Variants in TAB1 observed in about 807,000 individuals in gnomAD.
The protein encoded by TAB1 is TGF-beta-activated kinase 1 and MAP3K7-binding protein 1.
In TAB1, 30 loss-of-function variants were observed where a neutral mutation model predicts 54.5. That is an observed-to-expected ratio of 0.55 (90% CI 0.41 to 0.75). The LOEUF (loss-of-function observed/expected upper bound fraction) is 0.75, where lower values mean the gene tolerates loss of function less well. Among genes scored for constraint, TAB1 ranks in the 30% least tolerant of loss-of-function variants. The pLI, the probability that TAB1 is intolerant of heterozygous loss-of-function variation, is 0.00. For synonymous variants in TAB1, 289 were observed against 286.9 expected (o/e 1.01, Z -0.07); for missense variants, 609 against 683.2 (o/e 0.89, Z 1.21).
chr22:39,423,154 T>C (rs1328407732), intron 8 of TAB1, among the ~76,000 whole-genome samples: 2 of 152,058 alleles, frequency 1.3e-5, no homozygotes, highest in Non-Finnish European at 2.9e-5. Context: ...GGTTGTTTTC[T>C]TTGTTTTGTT....
At position 39,402,521 on chromosome 22, in the gene TAB1, G is replaced by A. The variant is rs1450766948; in HGVS notation, c.33+2686G>A. Among the ~76,000 whole-genome samples, 4 of 152,140 alleles carry A rather than the reference G, an allele frequency of 2.6e-5. No individual in the cohort carries two copies. In the East Asian group the frequency reaches 5.8e-4, roughly 22 times the overall value. On this transcript the variant is annotated intron_variant, in intron 1 of 10. Coordinates refer to ENST00000216160, the MANE Select transcript of TAB1 (RefSeq NM_006116.3). ...GTGGGAGCATCATTGCAGGCACTGT[G>A]GTACCTTGAAAGGTCTTTTGAAGCA...
chr22:39,415,802 C>A lies in TAB1; in HGVS notation c.324+149C>A. On this transcript the variant is annotated intron_variant, in intron 3 of 10. Coordinates refer to ENST00000216160, the MANE Select transcript of TAB1 (RefSeq NM_006116.3). The surrounding 1 kb of genome is among the most constrained non-coding windows in gnomAD (Gnocchi z 4.9). ...TAGAGGAGCAGCTCCCAGCGTAGGC[C>A]CCCCCACCCAACAGGAGTCCAGGAC... 2 of 1,047,666 alleles carry A rather than the reference C, an allele frequency of 1.9e-6. No individual in the cohort carries two copies. The highest frequency in any genetic ancestry group is 1.6e-5 in the South Asian group (1 of 62,556). The allele number at this position is 1,047,666 out of a possible 1,614,324, so 64.9% of individuals were successfully genotyped here.
At chr22:39,428,209 C>T in intron 10 of TAB1, 26 bp downstream of exon 10, 2 of 1,516,730 alleles carry the variant, frequency 1.3e-6, no homozygotes, top group Non-Finnish European at 9.0e-7. Context: ...ACTGAGCCAC[C>T]CCCAGCCCTG....
At chr22:39,406,577 A>G (rs1173209668) in intron 1 of TAB1, among the ~76,000 whole-genome samples, 1 of 151,986 alleles carries the variant, frequency 6.6e-6, no homozygotes, top group Non-Finnish European at 1.5e-5. Flanking sequence ...TACCATGGGT[A>G]CTTTTACATA....
chr22:39,404,118 T>C (rs964410968), intron 1 of TAB1, among the ~76,000 whole-genome samples: 5 of 152,094 alleles, frequency 3.3e-5, no homozygotes, highest in Admixed American at 1.3e-4. Flanking sequence ...GATTTGCTGA[T>C]GGATTGAATG....
At chr22:39,425,623 G>T (rs1927291730) in intron 8 of TAB1, among the ~76,000 whole-genome samples, 1 of 150,814 alleles carries the variant, frequency 6.6e-6, no homozygotes, top group Non-Finnish European at 1.5e-5. Flanking sequence ...GGCTCGATCT[G>T]GGCTTACTGA....
Position 39,421,883 on chromosome 22 carries a change from T to C in TAB1, c.833T>C (p.Leu278Pro). The stretch of plus-strand genomic sequence containing the variant: ...CCAGAAATCCATGGGGCACAGCCGC[T>C]GGATGGGGTGACGGGCTTCTTGGTG... ...AEPEIHGAQP[L>P]DGVTGFLVLM... Residue 278 changes from leucine (L) to proline (P), a missense_variant, in exon 8 of 11, where the codon CTG becomes CCG. Transcript: ENST00000216160. The C allele has an allele frequency of 6.2e-7, 1 of 1,613,946 alleles. No homozygotes were observed.
chr22:39,419,959 G>A (rs1926997450), intron 7 of TAB1, among the ~76,000 whole-genome samples: 1 of 58,474 alleles, frequency 1.7e-5, no homozygotes, highest in African/African-American at 1.8e-4. Flanking sequence ...TAGAAACAAG[G>A]GGTGGAGTTG....
chr22:39,419,619 T>G lies in TAB1; in HGVS notation c.765T>G (p.Ile255Met), dbSNP rs774550228. 7.5e-6 allele frequency: 12 copies of G among 1,609,460 alleles called. No individual in the cohort carries two copies. The highest frequency in any genetic ancestry group is 1.0e-5 in the Non-Finnish European group (12 of 1,176,888). The change falls in exon 7 of 11, where the codon ATT becomes ATG. Residue 255 changes from isoleucine to methionine, a missense_variant. Coordinates refer to ENST00000216160, the MANE Select transcript of TAB1 (RefSeq NM_006116.3). ...AGGTTAAATATGGCTACACGGACAT[T>G]GACCTTCTCAGGTAGGTGCCAGCCC... ...DYKVKYGYTD[I>M]DLLSAAKSKP...
At chr22:39,400,092 T>C (rs3830119) in intron 1 of TAB1, among the ~76,000 whole-genome samples, 28,850 of 152,088 alleles carry the variant, frequency 0.19, 4,248 homozygotes, top group East Asian at 0.75. Flanking sequence ...GGGAGCGTCC[T>C]GGAGCCAGAA....
chr22:39,428,634 C>A (rs992714568), intron 10 of TAB1, among the ~76,000 whole-genome samples: 2 of 152,138 alleles, frequency 1.3e-5, no homozygotes, highest in African/African-American at 4.8e-5. Context: ...GAGGGGGATG[C>A]GGCCAGGCCC....
chr22:39,417,157 C>G (rs536970559), intron 4 of TAB1, among the ~76,000 whole-genome samples: 1 of 152,358 alleles, frequency 6.6e-6, no homozygotes, highest in Admixed American at 6.5e-5. Context: ...TGTCAACCAC[C>G]TGCTCACATC....
intron 1 of TAB1, 39 bp from the exon 2 acceptor site, chr22:39,414,967 C>A (rs199503368): frequency 1.9e-6 from 3 of 1,612,220 alleles, no homozygotes; most frequent in Non-Finnish European, 2.5e-6. Context: ...ACCCTGCAGA[C>A]GCGGTGGCGT....
intron 4 of TAB1, among the ~76,000 whole-genome samples, chr22:39,417,387 G>A (rs1012908763): frequency 2.0e-5 from 3 of 152,300 alleles, no homozygotes; most frequent in South Asian, 4.1e-4. Context: ...TTGGGAGGCC[G>A]AGGCGGGCGG....
At chr22:39,412,442 G>GA (rs1336820739) in intron 1 of TAB1, among the ~76,000 whole-genome samples, 1 of 152,154 alleles carries the variant, frequency 6.6e-6, no homozygotes, top group African/African-American at 2.4e-5. Flanking sequence ...CCTGTATCCT[G>GA]AGAGTGGTGG....
chr22:39,426,651 C>A, intron 8 of TAB1, 52 bp from the exon 9 acceptor site: 1 of 1,495,982 alleles, frequency 6.7e-7, no homozygotes, highest in Non-Finnish European at 9.1e-7. Context: ...TGGCCCATGC[C>A]CCCCAGGCCG....
intron 9 of TAB1, 72 bp downstream of exon 9, chr22:39,426,997 G>A (rs750552269): frequency 2.3e-5 from 34 of 1,459,876 alleles, no homozygotes; most frequent in Non-Finnish European, 2.8e-5. Flanking sequence ...CAGAGCCCCC[G>A]AGGCTGCTTG....
chr22:39,421,899 C>T lies in TAB1; in HGVS notation c.849C>T (p.Gly283=), dbSNP rs1927107413. Residue 283 remains glycine, a synonymous_variant, in exon 8 of 11, where the codon GGC becomes GGT. Transcript: ENST00000216160. ...HGAQPLDGVT[G]FLVLMSEGLY... The stretch of plus-strand genomic sequence containing the variant: ...CACAGCCGCTGGATGGGGTGACGGG[C>T]TTCTTGGTGCTGATGTCGGAGGGGT... 1 of 1,613,326 alleles carries T rather than the reference C, an allele frequency of 6.2e-7. No individual in the cohort carries two copies. The highest frequency in any genetic ancestry group is 8.5e-7 in the Non-Finnish European group (1 of 1,179,644).
chr22:39,412,977 C>A (rs987360941), intron 1 of TAB1, among the ~76,000 whole-genome samples: 1 of 143,986 alleles, frequency 6.9e-6, no homozygotes, highest in East Asian at 2.2e-4. Flanking sequence ...TGCAGTTGCA[C>A]GATCTCGGCT....
Sources: gnomAD v4.1 joint callset for allele counts (sites outside exome capture counted in the v4.1 genomes callset) on GRCh38, gnomAD v4.1.1 for gene constraint, Gnocchi (gnomAD v3.1) non-coding constraint, MANE v1.5 for transcripts, NCBI Gene and HGNC (gene_info 2026-07-23, HGNC 2026-07-21) for gene names.